NAA60: variants seen among roughly 807,000 people sequenced by gnomAD.
The protein encoded by NAA60 is N-alpha-acetyltransferase 60.
NAA60 carries 8 observed loss-of-function variants against 26.1 expected under a neutral mutation model. That is an observed-to-expected ratio of 0.31 (90% CI 0.18 to 0.55). NAA60 has a LOEUF of 0.55. NAA60 is among the 20% of genes least tolerant of loss of function. The pLI, the probability that NAA60 is intolerant of heterozygous loss-of-function variation, is 0.93. For missense variants in NAA60, 290 were observed against 311.3 expected (o/e 0.93, Z 0.51); for synonymous variants, 131 against 122.5 (o/e 1.07, Z -0.46).
chr16:3,482,481 T>A, intron 4 of NAA60, 21 bp from the exon 5 acceptor site: 1 of 1,571,932 alleles, frequency 6.4e-7, no homozygotes, highest in Non-Finnish European at 8.7e-7. Flanking sequence ...AGCCTGACTT[T>A]CTCTCTGACT....
At chr16:3,449,068 C>G (rs955927152) in intron 2 of NAA60, 1 of 152,364 alleles carries the variant, frequency 6.6e-6, no homozygotes, top group African/African-American at 2.4e-5. Context: ...TTTTCATTAT[C>G]TACTCATAAA....
chr16:3,471,814 G>T lies in NAA60; in HGVS notation c.-6-4408G>T, dbSNP rs1039132050. On this transcript the variant is annotated intron_variant, in intron 2 of 7. Transcript: ENST00000407558. ...GGAGTTCTGCCCAGGGTGGCCAGGT[G>T]GGCAGCCTTTCCCCCGTGCTGGTTC... Among the ~76,000 whole-genome samples the T allele has an allele frequency of 2.6e-5, 4 of 152,266 alleles. No homozygotes were observed. The East Asian group carries it at 7.7e-4, about 29-fold the overall frequency.
intron 2 of NAA60, among the ~76,000 whole-genome samples, chr16:3,464,483 G>T (rs895435535): frequency 1.3e-4 from 20 of 152,190 alleles, no homozygotes; most frequent in Non-Finnish European, 2.9e-5. Flanking sequence ...ACCCTCTCTT[G>T]CTGGGCTTTC....
At chr16:3,462,552 C>T (rs2035478885) in intron 2 of NAA60, 1 of 152,220 alleles carries the variant, frequency 6.6e-6, no homozygotes, top group South Asian at 2.1e-4. Flanking sequence ...CTTTGCATCT[C>T]CTCTGGCCTC....
intron 3 of NAA60, among the ~76,000 whole-genome samples, chr16:3,477,982 T>C (rs1164895028): frequency 6.6e-6 from 1 of 151,968 alleles, no homozygotes; most frequent in Non-Finnish European, 1.5e-5. Context: ...GGAGAATCGC[T>C]TGAACCCAGG....
intron 6 of NAA60, among the ~76,000 whole-genome samples, chr16:3,484,054 A>T (rs1325014350): frequency 6.6e-6 from 1 of 152,218 alleles, no homozygotes; most frequent in South Asian, 2.1e-4. Flanking sequence ...TATAGGATGC[A>T]TGACCCAAAG....
Position 3,476,232 on chromosome 16 carries a change from CAG to C in NAA60, c.8_9del (p.Glu3GlyfsTer19). On this transcript the variant is annotated frameshift_variant, in exon 3 of 8. Transcript: ENST00000407558. LOFTEE classifies it high-confidence loss of function. ...CACCCTTCCCCACAGGTGTGAATGA[CAG>C]AGGTGGTGCCATCCAGCGCGCTCAG... The C allele has an allele frequency of 1.3e-6, 2 of 1,598,860 alleles. No homozygotes were observed. Among genetic ancestry groups the C allele is most frequent in the Non-Finnish European group, 1.7e-6 (2 of 1,168,490 alleles).
intron 1 of NAA60, among the ~76,000 whole-genome samples, chr16:3,446,541 A>G (rs942894020): frequency 4.6e-5 from 7 of 150,972 alleles, no homozygotes; most frequent in African/African-American, 7.3e-5. Context: ...AAAAAAAAAA[A>G]AAAAAGAAAA....
At chr16:3,472,170 C>G (rs2036191059) in intron 2 of NAA60, 1 of 152,222 alleles carries the variant, frequency 6.6e-6, no homozygotes, top group Non-Finnish European at 1.5e-5. Context: ...GAACCAGATG[C>G]TGCCCCCCTG....
At chr16:3,457,972 G>T (rs902095535) in intron 2 of NAA60, 21 of 985,036 alleles carry the variant, frequency 2.1e-5, no homozygotes, top group Non-Finnish European at 2.4e-5. Flanking sequence ...GGGGCCACGT[G>T]GGGGCGGCGG....
intron 2 of NAA60, among the ~76,000 whole-genome samples, chr16:3,451,808 C>T (rs1448541818): frequency 6.6e-6 from 1 of 151,786 alleles, no homozygotes; most frequent in Non-Finnish European, 1.5e-5. Flanking sequence ...CTCCCAGCTA[C>T]TCGGGAGGCT....
rs989544475 is a variant in NAA60 at position 3,485,088 on chromosome 16, G to A, written c.*206+27G>A. ...TACGCCACAGCAGACACAAAGGTAT[G>A]GGAGCTTGGTGCCTCCAGCCACAAA... On this transcript the variant is annotated intron_variant, in intron 7 of 7. Transcript: ENST00000407558. The A allele has an allele frequency of 5.2e-6, 7 of 1,342,042 alleles. No individual in the cohort carries two copies. In the Admixed American group the frequency reaches 1.2e-4, roughly 23 times the overall value. The allele number at this position is 1,342,042 out of a possible 1,614,324, so 83.1% of individuals were successfully genotyped here. A position where few individuals can be genotyped will look rare whatever the true frequency, so the allele number is the denominator to read the frequency against.
chr16:3,465,643 A>T (rs900182157), intron 2 of NAA60, among the ~76,000 whole-genome samples: 4 of 152,094 alleles, frequency 2.6e-5, no homozygotes, highest in Non-Finnish European at 4.4e-5. Flanking sequence ...ATGCAGAGGG[A>T]TGGATCCCTG....
chr16:3,471,049 G>A (rs12597473), intron 2 of NAA60, among the ~76,000 whole-genome samples: 9,964 of 152,232 alleles, frequency 0.065, 943 homozygotes, highest in East Asian at 0.45. Context: ...GCAGATCGTT[G>A]TGTATCTCAG....
At chr16:3,482,952 C>G (rs1455197740) in intron 5 of NAA60, 1 of 478,982 alleles carries the variant, frequency 2.1e-6, no homozygotes, top group African/African-American at 1.9e-5. Context: ...AAAGCGTGAA[C>G]ACGCACGAGG....
rs1256890813 is a variant in NAA60 at position 3,486,907 on chromosome 16, T to G, written c.*1647T>G. On this transcript the variant is annotated 3_prime_UTR_variant, in exon 8 of 8. Coordinates refer to ENST00000407558, the MANE Select transcript of NAA60 (RefSeq NM_001083601.3). ...GTGTCCAGCCCAGTGTTGAACAGATTGTAGCGTTCTGTCTCATTACGAGCA... is the reference window on the plus strand; with the variant it reads ...GTGTCCAGCCCAGTGTTGAACAGATGGTAGCGTTCTGTCTCATTACGAGCA... 6.6e-6 allele frequency: 1 copy of G among 152,556 alleles called. No individual in the cohort carries two copies. Among genetic ancestry groups the G allele is most frequent in the Non-Finnish European group, 1.5e-5 (1 of 68,070 alleles). The allele number at this position is 152,556 out of a possible 1,614,324, so 9.5% of individuals were successfully genotyped here. A position where few individuals can be genotyped will look rare whatever the true frequency, so the allele number is the denominator to read the frequency against.
At chr16:3,471,602 A>C (rs1230934522) in intron 2 of NAA60, among the ~76,000 whole-genome samples, 1 of 152,080 alleles carries the variant, frequency 6.6e-6, no homozygotes, top group African/African-American at 2.4e-5. Context: ...TGCCAACCCC[A>C]CTTCCTGGGT....
intron 1 of NAA60, chr16:3,447,558 TG>T (rs2034604942): frequency 2.0e-6 from 2 of 985,434 alleles, no homozygotes; most frequent in Admixed American, 1.2e-4. Context: ...GTATCCTTCA[TG>T]GGAAGTTGAT....
chr16:3,484,587 G>A, intron 6 of NAA60, 112 bp from the exon 7 acceptor site: 3 of 1,405,922 alleles, frequency 2.1e-6, no homozygotes, highest in Non-Finnish European at 2.9e-6. Context: ...AGCCTCCGAA[G>A]CCTGGCTTGC....
Sources: allele counts gnomAD v4.1 joint callset (sites outside exome capture counted in the v4.1 genomes callset), GRCh38; gene constraint gnomAD v4.1.1; transcripts MANE v1.5; gene names NCBI Gene and HGNC (gene_info 2026-07-23, HGNC 2026-07-21).